Variants in FANCA observed in about 807,000 individuals in gnomAD.
The protein encoded by FANCA is Fanconi anemia group A protein.
A neutral mutation model predicts 194.3 loss-of-function variants in FANCA; 236 were observed. The ratio of observed to expected loss-of-function variants is 1.21; its 90% CI spans 1.09 to 1.35. FANCA has a LOEUF of 1.35. FANCA is among the 40% of genes most tolerant of loss of function. The pLI, the probability that FANCA is intolerant of heterozygous loss-of-function variation, is 0.00. For synonymous variants in FANCA, 1,014 were observed against 715.8 expected (o/e 1.42, Z -6.65); for missense variants, 2,628 against 1,813.9 (o/e 1.45, Z -8.15).
rs17226183 is a variant in FANCA at position 89,791,699 on chromosome 16, A to T, written c.1226-163T>A. The T allele has an allele frequency of 2.1e-3, 2,220 of 1,079,644 alleles. 26 individuals carry two copies. Among genetic ancestry groups the T allele is most frequent in the Admixed American group, 0.013 (659 of 49,706 alleles). 66.9% of individuals were successfully genotyped at this position (1,079,644 alleles called of 1,614,324 possible). Reference sequence around the variant, plus strand: ...AATTACAGCATGTCAAGTGCAAACCACTAGAGACCTGAATGAAGCAGCAGT... The same window carrying T: ...AATTACAGCATGTCAAGTGCAAACCTCTAGAGACCTGAATGAAGCAGCAGT... On this transcript the variant is annotated intron_variant, in intron 13 of 42. Transcript: ENST00000389301.
intron 30 of FANCA, among the ~76,000 whole-genome samples, chr16:89,754,027 C>T (rs1350005249): frequency 1.3e-5 from 2 of 152,138 alleles, no homozygotes; most frequent in African/African-American, 4.8e-5. Context: ...GTACTCCAGC[C>T]TGGGACACAC....
intron 30 of FANCA, among the ~76,000 whole-genome samples, chr16:89,754,286 G>T (rs967440132): frequency 9.3e-5 from 14 of 151,204 alleles, no homozygotes; most frequent in African/African-American, 3.4e-4. Context: ...GTTCAAGCCG[G>T]GGCAATTCAA....
At chr16:89,795,016 G>A (rs1389799923) in intron 11 of FANCA, among the ~76,000 whole-genome samples, 7 of 152,196 alleles carry the variant, frequency 4.6e-5, no homozygotes, top group Non-Finnish European at 1.0e-4. Flanking sequence ...TGGGCACAGC[G>A]GCACACGCCT....
chr16:89,795,077 G>C (rs1286247479), intron 11 of FANCA, among the ~76,000 whole-genome samples: 1 of 152,120 alleles, frequency 6.6e-6, no homozygotes, highest in Non-Finnish European at 1.5e-5. Context: ...CTGAGATTAG[G>C]AGTTCGAGAC....
chr16:89,782,151 A>G (rs6500446), intron 17 of FANCA, among the ~76,000 whole-genome samples: 81,860 of 150,822 alleles, frequency 0.54, 24,274 homozygotes, highest in East Asian at 0.98. Flanking sequence ...CAAGGCGGGC[A>G]GATCACGAGG....
intron 17 of FANCA, among the ~76,000 whole-genome samples, chr16:89,780,204 G>A (rs1182671898): frequency 2.0e-5 from 3 of 152,104 alleles, no homozygotes; most frequent in Admixed American, 6.6e-5. Flanking sequence ...CGTGATGTGC[G>A]GCCCTCCTCG....
chr16:89,745,896 A>T (rs1234392682), intron 35 of FANCA, among the ~76,000 whole-genome samples: 1 of 152,224 alleles, frequency 6.6e-6, no homozygotes, highest in Admixed American at 6.5e-5. Context: ...AACACCGAAG[A>T]GTTCATTTCT....
chr16:89,738,357 T>C lies in FANCA; in HGVS notation c.*244A>G. The C allele has an allele frequency of 7.5e-6, 11 of 1,468,834 alleles. No homozygotes were observed. The highest frequency in any genetic ancestry group is 1.0e-5 in the Non-Finnish European group (11 of 1,102,998). 91.0% of individuals were successfully genotyped at this position (1,468,834 alleles called of 1,614,324 possible). ...AGGGTCGGAGGGTGCTGCCCGCCCT[T>C]GGTGCTGGAGGCGGGCTTGGTGTCC... On this transcript the variant is annotated 3_prime_UTR_variant, in exon 43 of 43. Coordinates refer to ENST00000389301, the MANE Select transcript of FANCA (RefSeq NM_000135.4).
Position 89,771,819 on chromosome 16 carries a change from G to C in FANCA, c.2015-5C>G. 1 of 1,613,678 alleles carries C rather than the reference G, an allele frequency of 6.2e-7. No homozygotes were observed. The highest frequency in any genetic ancestry group is 8.5e-7 in the Non-Finnish European group (1 of 1,180,016). On this transcript the variant is annotated splice_region_variant and splice_polypyrimidine_tract_variant and intron_variant, in intron 22 of 42. Coordinates refer to ENST00000389301, the MANE Select transcript of FANCA (RefSeq NM_000135.4). ...CTGCCACCTGTGCCGATATAACTGC[G>C]AAGGAAGAAACTAGTTAGGGATGAC...
intron 8 of FANCA, 88 bp downstream of exon 8, chr16:89,803,171 T>A: frequency 7.9e-7 from 1 of 1,258,274 alleles, no homozygotes; most frequent in African/African-American, 1.5e-5. Flanking sequence ...AACAGCACGT[T>A]TCAATAGAGA....
chr16:89,783,196 A>T, intron 15 of FANCA, 94 bp from the exon 16 acceptor site: 1 of 898,896 alleles, frequency 1.1e-6, no homozygotes, highest in Non-Finnish European at 1.8e-6. Flanking sequence ...CACAGTGCTG[A>T]GTAGAGAAAC....
rs2061991789 is a variant in FANCA at position 89,737,788 on chromosome 16, T to C, written c.*813A>G. 1 of 1,614,118 alleles carries C rather than the reference T, an allele frequency of 6.2e-7. No homozygotes were observed. The highest frequency in any genetic ancestry group is 8.5e-7 in the Non-Finnish European group (1 of 1,180,000). On this transcript the variant is annotated 3_prime_UTR_variant, in exon 43 of 43. Transcript: ENST00000389301. ...TGGAGCATCAGGGGCCTGGACTCAC[T>C]GGACTCTCCCCTCTCAGAGGTGCGG...
In FANCA at chr16:89,738,094, A is replaced by G. The variant is rs775480785; in HGVS notation, c.*507T>C. The stretch of plus-strand genomic sequence containing the variant: ...TGACCAGTGTGGCCGGCGGTTTGAG[A>G]AGGCCCACAACCTCAATGTACACAT... On this transcript the variant is annotated 3_prime_UTR_variant, in exon 43 of 43. Coordinates refer to ENST00000389301, the MANE Select transcript of FANCA (RefSeq NM_000135.4). 3.1e-6 allele frequency: 5 copies of G among 1,613,928 alleles called. No individual in the cohort carries two copies. Among genetic ancestry groups the G allele is most frequent in the Middle Eastern group, 1.6e-4 (1 of 6,062 alleles).
chr16:89,748,884 C>T lies in FANCA; in HGVS notation c.3240-117G>A, dbSNP rs527493582. The T allele has an allele frequency of 2.3e-4, 188 of 820,924 alleles. 3 individuals carry two copies. The South Asian group carries it at 2.6e-3, about 12-fold the overall frequency. 50.9% of individuals were successfully genotyped at this position (820,924 alleles called of 1,614,324 possible). ...CTGAAACCCAGGGCCACTGTTGGAA[C>T]CAGAGCCTTGGCCTGTGTCCCTCTG... On this transcript the variant is annotated intron_variant, in intron 32 of 42. Transcript: ENST00000389301.
In FANCA at chr16:89,762,027, G is replaced by C. The variant is rs753286882; in HGVS notation, c.2779-5C>G. 6.2e-7 allele frequency: 1 copy of C among 1,610,976 alleles called. No homozygotes were observed. Among genetic ancestry groups the C allele is most frequent in the Non-Finnish European group, 8.5e-7 (1 of 1,177,156 alleles). ...TAACCAGTCTTGGTAAGTTAACTGA[G>C]AAAGAGAGCAAGCAATTCAATACAA... On this transcript the variant is annotated splice_polypyrimidine_tract_variant and splice_region_variant and intron_variant, in intron 28 of 42. Coordinates refer to ENST00000389301, the MANE Select transcript of FANCA (RefSeq NM_000135.4).
At chr16:89,782,368 C>T (rs969012449) in intron 17 of FANCA, among the ~76,000 whole-genome samples, 16 of 151,782 alleles carry the variant, frequency 1.1e-4, no homozygotes, top group Non-Finnish European at 2.1e-4. Context: ...AAAAATTAGC[C>T]AGGCGTGGTG....
At chr16:89,787,202 G>C (rs1287743417) in intron 14 of FANCA, among the ~76,000 whole-genome samples, 2 of 152,160 alleles carry the variant, frequency 1.3e-5, no homozygotes, top group African/African-American at 2.4e-5. Flanking sequence ...GTTGAGGCAG[G>C]AAGATCACTT....
At chr16:89,761,772 T>C (rs1192914618) in intron 29 of FANCA, among the ~76,000 whole-genome samples, 177 bp downstream of exon 29, 1 of 152,166 alleles carries the variant, frequency 6.6e-6, no homozygotes, top group Non-Finnish European at 1.5e-5. Context: ...GACTGGAACG[T>C]GCCGCATGTC....
intron 30 of FANCA, among the ~76,000 whole-genome samples, chr16:89,757,542 A>C (rs1937548588): frequency 6.6e-6 from 1 of 152,218 alleles, no homozygotes; most frequent in Non-Finnish European, 1.5e-5. Flanking sequence ...CAAACAGGCA[A>C]ATCCATGAAC....
Sources: gnomAD v4.1 joint callset for allele counts (sites outside exome capture counted in the v4.1 genomes callset) on GRCh38, gnomAD v4.1.1 for gene constraint, MANE v1.5 for transcripts, NCBI Gene and HGNC (gene_info 2026-07-23, HGNC 2026-07-21) for gene names.